RYR2: variants seen among roughly 807,000 people sequenced by gnomAD.
The protein encoded by RYR2 is cardiac muscle ryanodine receptor-calcium release channel.
A neutral mutation model predicts 601.1 loss-of-function variants in RYR2; 227 were observed. The observed-to-expected ratio is 0.38, with a 90% confidence interval of 0.34 to 0.42. The LOEUF is 0.42. Among genes scored for constraint, RYR2 ranks in the 10% least tolerant of loss-of-function variants. The probability of loss-of-function intolerance (pLI) is 1.00; values close to 1 mark genes in which losing one functional copy is unlikely to be tolerated. For missense variants in RYR2, 4,646 were observed against 6,156.5 expected (o/e 0.75, Z 8.21); for synonymous variants, 2,223 against 2,175.1 (o/e 1.02, Z -0.61).
intron 1 of RYR2, among the ~76,000 whole-genome samples, chr1:237,170,548 T>TA (rs1242956277): frequency 6.6e-6 from 1 of 152,182 alleles, no homozygotes; most frequent in East Asian, 1.9e-4. Context: ...CTTTGTAGCT[T>TA]AAAAAAAGTA....
chr1:237,330,256 T>C (rs1696573467), intron 2 of RYR2, among the ~76,000 whole-genome samples: 1 of 152,216 alleles, frequency 6.6e-6, no homozygotes, highest in South Asian at 2.1e-4. Flanking sequence ...TAATAATCCT[T>C]ACTATAGATG....
intron 17 of RYR2, among the ~76,000 whole-genome samples, chr1:237,477,081 G>A (rs1661489324): frequency 6.6e-6 from 1 of 152,118 alleles, no homozygotes; most frequent in Admixed American, 6.5e-5. Flanking sequence ...GGGCTTACTT[G>A]AGAAAAACTG....
chr1:237,044,911 T>C (rs1277730082), intron 1 of RYR2, among the ~76,000 whole-genome samples: 2 of 151,778 alleles, frequency 1.3e-5, no homozygotes, highest in African/African-American at 4.8e-5. Flanking sequence ...TTTATTTCTC[T>C]GTCATGTGCA....
At position 237,773,511 on chromosome 1, in the gene RYR2, A is replaced by T; in HGVS notation, c.11647-9A>T. 6.4e-7 allele frequency: 1 copy of T among 1,569,652 alleles called. No individual in the cohort carries two copies. The highest frequency in any genetic ancestry group is 8.8e-7 in the Non-Finnish European group (1 of 1,140,630). ...CTTGATAATAAATAATATCATCTCTATTTCCCAGGAATCAATTAGTGACTT... is the reference window on the plus strand; with the variant it reads ...CTTGATAATAAATAATATCATCTCTTTTTCCCAGGAATCAATTAGTGACTT... On this transcript the variant is annotated splice_polypyrimidine_tract_variant and intron_variant, in intron 86 of 104. Transcript: ENST00000366574.
intron 41 of RYR2, 67 bp from the exon 42 acceptor site, chr1:237,631,360 G>T: frequency 1.1e-6 from 1 of 933,558 alleles, no homozygotes. Context: ...AAAGATTTAT[G>T]AGGAACTTGG....
intron 29 of RYR2, among the ~76,000 whole-genome samples, chr1:237,580,844 A>T (rs1238972335): frequency 1.3e-5 from 2 of 152,196 alleles, no homozygotes; most frequent in African/African-American, 4.8e-5. Flanking sequence ...ATGTGAGGAT[A>T]CAGCCAGAAG....
intron 73 of RYR2, among the ~76,000 whole-genome samples, chr1:237,721,006 C>T (rs1438679459): frequency 6.6e-6 from 1 of 152,106 alleles, no homozygotes; most frequent in Non-Finnish European, 1.5e-5. Flanking sequence ...AAATATTCAT[C>T]TTGTCATTTT....
intron 8 of RYR2, among the ~76,000 whole-genome samples, chr1:237,381,247 GT>G (rs1443123958): frequency 8.2e-5 from 6 of 73,220 alleles, no homozygotes; most frequent in Non-Finnish European, 1.2e-4. Flanking sequence ...ACGAGACTCC[GT>G]CTCAAAAAAA....
In RYR2 at chr1:237,605,804, A is replaced by G. The variant is rs1398664191; in HGVS notation, c.4683+3693A>G. ...AAACAGAGAGCCAAATCATGAGTGA[A>G]CTCCCATTCACAATTGCTTCCAAGA... is the stretch of plus-strand genomic sequence containing the variant. On this transcript the variant is annotated intron_variant, in intron 35 of 104. Transcript: ENST00000366574. Among the ~76,000 whole-genome samples, 9 of 152,142 alleles carry G rather than the reference A, an allele frequency of 5.9e-5. No homozygotes were observed. The South Asian group carries it at 1.7e-3, about 28-fold the overall frequency.
chr1:237,508,750 T>C (rs1665536125), intron 23 of RYR2, among the ~76,000 whole-genome samples: 1 of 138,438 alleles, frequency 7.2e-6, no homozygotes, highest in African/African-American at 2.7e-5. Flanking sequence ...TTTTTTTTTT[T>C]TTTTTTTTTT....
At chr1:237,619,797 C>T (rs915727860) in intron 38 of RYR2, among the ~76,000 whole-genome samples, 2 of 152,062 alleles carry the variant, frequency 1.3e-5, no homozygotes, top group African/African-American at 4.8e-5. Flanking sequence ...AAGGAAGTGG[C>T]ACAGCAATTT....
chr1:237,135,176 T>G (rs10495389), intron 1 of RYR2, among the ~76,000 whole-genome samples: 3,680 of 152,250 alleles, frequency 0.024, 123 homozygotes, highest in South Asian at 0.12. Flanking sequence ...TCAGGTATCT[T>G]CAGGAAATCT....
chr1:237,330,181 T>G (rs1696568752), intron 2 of RYR2, among the ~76,000 whole-genome samples: 1 of 152,244 alleles, frequency 6.6e-6, no homozygotes, highest in Non-Finnish European at 1.5e-5. Flanking sequence ...GTGAAAATTT[T>G]ATAACTCTGT....
intron 1 of RYR2, among the ~76,000 whole-genome samples, chr1:237,220,594 G>T (rs7541818): frequency 6.6e-6 from 1 of 151,918 alleles, no homozygotes; most frequent in African/African-American, 2.4e-5. Flanking sequence ...TCTGTTTCTC[G>T]GGAGACACCT....
intron 25 of RYR2, among the ~76,000 whole-genome samples, chr1:237,537,611 G>C (rs1431433241): frequency 1.3e-5 from 2 of 152,010 alleles, no homozygotes; most frequent in Admixed American, 1.3e-4. Flanking sequence ...CACCGTGCCC[G>C]GCCTAAATAT....
At chr1:237,045,775 CTT>C (rs35311700) in intron 1 of RYR2, among the ~76,000 whole-genome samples, 233 of 128,300 alleles carry the variant, frequency 1.8e-3, no homozygotes, top group African/African-American at 5.3e-3. Flanking sequence ...TTATGGTCCT[CTT>C]TTTTTTTTTT....
At chr1:237,306,896 C>A (rs941694744) in intron 2 of RYR2, among the ~76,000 whole-genome samples, 4 of 152,062 alleles carry the variant, frequency 2.6e-5, no homozygotes, top group African/African-American at 9.7e-5. Flanking sequence ...TACTGTATCC[C>A]CTCTTCCTTA....
rs577456900 is a variant in RYR2 at position 237,588,789 on chromosome 1, C to T, written c.3599-1004C>T. ...CGGAGGTTGCAGTGAGCCAAGATCA[C>T]AGCATTGTACTCCAGCCTGGGTGAC... On this transcript the variant is annotated intron_variant, in intron 29 of 104. Coordinates refer to ENST00000366574, the MANE Select transcript of RYR2 (RefSeq NM_001035.3). Among the ~76,000 whole-genome samples, 11 of 151,508 alleles carry T rather than the reference C, an allele frequency of 7.3e-5. No homozygotes were observed. The South Asian group carries it at 2.3e-3, about 32-fold the overall frequency.
intron 1 of RYR2, among the ~76,000 whole-genome samples, chr1:237,096,065 A>G (rs767757914): frequency 2.0e-5 from 3 of 152,208 alleles, no homozygotes; most frequent in Non-Finnish European, 4.4e-5. Context: ...GATGAAGGTC[A>G]TAGCCTCTGG....
Sources: gnomAD v4.1 joint callset for allele counts (sites outside exome capture counted in the v4.1 genomes callset) on GRCh38, gnomAD v4.1.1 for gene constraint, MANE v1.5 for transcripts, NCBI Gene and HGNC (gene_info 2026-07-23, HGNC 2026-07-21) for gene names.